NPTX2: variants seen among roughly 807,000 people sequenced by gnomAD.
NPTX2 encodes the protein neuronal pentraxin 2.
NPTX2 carries 23 observed loss-of-function variants against 38.1 expected under a neutral mutation model. That is an observed-to-expected ratio of 0.60 (90% confidence interval 0.43 to 0.85). The LOEUF is 0.85. Among genes scored for constraint, NPTX2 ranks in the 40% least tolerant of loss-of-function variants. The probability of loss-of-function intolerance (pLI) is 0.00; values close to 1 mark genes in which losing one functional copy is unlikely to be tolerated. For missense variants in NPTX2, 553 were observed against 615.3 expected, an observed-to-expected ratio of 0.90 and a Z score of 1.07; for synonymous variants, 291 against 287.3, an observed-to-expected ratio of 1.01 and a Z score of -0.13.
Position 98,624,933 on chromosome 7 carries a change from T to G in NPTX2, c.655T>G (p.Phe219Val). The change falls in exon 3 of 5, where the codon TTT becomes GTT. Residue 219 changes from phenylalanine (F) to valine (V), a missense_variant. Physicochemically the swap from Phe to Val is conservative, Grantham distance 50. Transcript: ENST00000265634. ...CTCCCAACCCCCAGGCAATAGCGCCTTTAAGTCACCAGATGCGTTCAAGGT... is the reference window on the plus strand; with the variant it reads ...CTCCCAACCCCCAGGCAATAGCGCCGTTAAGTCACCAGATGCGTTCAAGGT... ...VTELERGNSAFKSPDAFKVSL... is the reference protein window; with the variant it reads ...VTELERGNSAVKSPDAFKVSL... The G allele has an allele frequency of 1.2e-6, 2 of 1,611,868 alleles. No individual in the cohort carries two copies. Among genetic ancestry groups the G allele is most frequent in the Non-Finnish European group, 1.7e-6 (2 of 1,178,552 alleles).
chr7:98,626,427 T>C (rs1231636803), intron 3 of NPTX2, among the ~76,000 whole-genome samples: 1 of 152,076 alleles, frequency 6.6e-6, no homozygotes, highest in Non-Finnish European at 1.5e-5. Flanking sequence ...ATCAGCCTGC[T>C]GGGCTCCTCC....
At chr7:98,627,413 T>C (rs577791091) in intron 4 of NPTX2, 69 bp downstream of exon 4, 4 of 1,370,238 alleles carry the variant, frequency 2.9e-6, no homozygotes, top group Admixed American at 3.7e-5. Context: ...CCGTGCGCCC[T>C]TTCAGGGATG....
chr7:98,620,556 A>G (rs1265304719), intron 2 of NPTX2, among the ~76,000 whole-genome samples: 1 of 152,144 alleles, frequency 6.6e-6, no homozygotes, highest in Non-Finnish European at 1.5e-5. Context: ...TTCTCAGAAA[A>G]AGGTGAGTAT....
chr7:98,625,097 A>G lies in NPTX2; in HGVS notation c.819A>G (p.Pro273=), dbSNP rs769636160. 3.1e-6 allele frequency: 5 copies of G among 1,612,336 alleles called. No individual in the cohort carries two copies. The South Asian group carries it at 4.4e-5, about 14-fold the overall frequency. ...GIGTPFSYAV[P]GQANEIVLIE... is the part of the protein sequence containing the mutation. Reference sequence around the variant, plus strand: ...GCACCCCCTTCTCCTATGCGGTGCCAGGGCAGGCCAACGAGATCGTGCTGA... The same window carrying G: ...GCACCCCCTTCTCCTATGCGGTGCCGGGGCAGGCCAACGAGATCGTGCTGA... Residue 273 remains proline, a synonymous_variant, in exon 3 of 5, where the codon CCA becomes CCG. Transcript: ENST00000265634.
intron 2 of NPTX2, among the ~76,000 whole-genome samples, chr7:98,620,951 A>T (rs772868906): frequency 1.3e-5 from 2 of 152,188 alleles, no homozygotes; most frequent in Admixed American, 6.5e-5. Context: ...AGCTTCAGTC[A>T]TGCCAGGCGG....
At chr7:98,627,775 C>T (rs930553561) in intron 4 of NPTX2, among the ~76,000 whole-genome samples, 3 of 152,134 alleles carry the variant, frequency 2.0e-5, no homozygotes, top group Admixed American at 6.5e-5. Flanking sequence ...ATGGTACCAA[C>T]TCAGGATTGT....
chr7:98,628,204 C>G (rs1791384909), intron 4 of NPTX2, among the ~76,000 whole-genome samples, 198 bp from the exon 5 acceptor site: 1 of 152,114 alleles, frequency 6.6e-6, no homozygotes, highest in South Asian at 2.1e-4. Context: ...CTCAGTTTCC[C>G]CTGTATAAAA....
At chr7:98,618,398 G>A (rs1401661926) in intron 1 of NPTX2, among the ~76,000 whole-genome samples, 1 of 152,174 alleles carries the variant, frequency 6.6e-6, no homozygotes, top group Non-Finnish European at 1.5e-5. Context: ...TCTGGGGGCG[G>A]AGGTCGCAGG....
chr7:98,625,259 G>A, intron 3 of NPTX2, 93 bp downstream of exon 3: 1 of 1,471,238 alleles, frequency 6.8e-7, no homozygotes, highest in Non-Finnish European at 9.1e-7. Flanking sequence ...CCCTCCTCGG[G>A]CCACACAGCA....
At chr7:98,626,575 G>C (rs113320007) in intron 3 of NPTX2, among the ~76,000 whole-genome samples, 1 of 152,244 alleles carries the variant, frequency 6.6e-6, no homozygotes, top group South Asian at 2.1e-4. Context: ...GGGAGGCTTC[G>C]GGTTGCTAGG....
rs705315 is a variant in NPTX2, at chr7:98,629,424, G to A, written c.*795G>A. 0.12 allele frequency: 18,056 copies of A among 152,166 alleles called. 1,505 individuals are homozygous for A. Among genetic ancestry groups the A allele is most frequent in the African/African-American group, 0.23 (9,617 of 41,252 alleles). 9.4% of individuals were successfully genotyped at this position (152,166 alleles called of 1,614,324 possible). Reference sequence around the variant, plus strand: ...TTGCAGCTTTTTACAACCATCCGGTGTGGTTTGGAGGATTTGTTTTTTTTT... The same window carrying A: ...TTGCAGCTTTTTACAACCATCCGGTATGGTTTGGAGGATTTGTTTTTTTTT... On this transcript the variant is annotated 3_prime_UTR_variant, in exon 5 of 5. Coordinates refer to ENST00000265634, the MANE Select transcript of NPTX2 (RefSeq NM_002523.3).
At chr7:98,625,850 G>A (rs755168135) in intron 3 of NPTX2, among the ~76,000 whole-genome samples, 1 of 151,994 alleles carries the variant, frequency 6.6e-6, no homozygotes, top group Non-Finnish European at 1.5e-5. Context: ...GCATTCAGGA[G>A]TGGTCTTCTC....
At chr7:98,627,136 G>A in intron 3 of NPTX2, 29 bp from the exon 4 acceptor site, 1 of 1,580,180 alleles carries the variant, frequency 6.3e-7, no homozygotes, top group Non-Finnish European at 8.7e-7. Flanking sequence ...GGGCCCAGCA[G>A]GTCCTTACCT....
chr7:98,619,745 G>C lies in NPTX2; in HGVS notation c.529G>C (p.Val177Leu). ...GCTGGAGAGGCAGCTTCTGCGCAAGGTGGCAGAGCTGGAGGACGAGAAGTC... is the reference window on the plus strand; with the variant it reads ...GCTGGAGAGGCAGCTTCTGCGCAAGCTGGCAGAGCTGGAGGACGAGAAGTC... ...GELERQLLRK[V>L]AELEDEKSLL... Residue 177 changes from valine to leucine, a missense_variant, in exon 2 of 5, where the codon GTG becomes CTG. By Grantham distance (32) the Val-to-Leu change is conservative (BLOSUM62 1). Coordinates refer to ENST00000265634, the MANE Select transcript of NPTX2 (RefSeq NM_002523.3). 2 of 1,613,370 alleles carry C rather than the reference G, an allele frequency of 1.2e-6. No homozygotes were observed. The highest frequency in any genetic ancestry group is 1.7e-6 in the Non-Finnish European group (2 of 1,180,032).
At position 98,617,488 on chromosome 7, in the gene NPTX2, G is replaced by A. The variant is rs949777245; in HGVS notation, c.27G>A (p.Val9=). 1 of 1,235,774 alleles carries A rather than the reference G, an allele frequency of 8.1e-7. No homozygotes were observed. Among genetic ancestry groups the A allele is most frequent in the East Asian group, 3.3e-5 (1 of 29,980 alleles). 76.6% of individuals were successfully genotyped at this position (1,235,774 alleles called of 1,614,324 possible). The part of the protein sequence containing the change: MLALLAAS[V]ALAVAAGAQD... Reference sequence around the variant, plus strand: ...TGCTGGCGCTGCTGGCCGCCAGCGTGGCGCTCGCCGTGGCCGCTGGGGCCC... The same window carrying A: ...TGCTGGCGCTGCTGGCCGCCAGCGTAGCGCTCGCCGTGGCCGCTGGGGCCC... Residue 9 remains valine (V), a synonymous_variant, in exon 1 of 5, where the codon GTG becomes GTA. Coordinates refer to ENST00000265634, the MANE Select transcript of NPTX2 (RefSeq NM_002523.3).
At chr7:98,628,145 G>A (rs1791384272) in intron 4 of NPTX2, among the ~76,000 whole-genome samples, 2 of 152,126 alleles carry the variant, frequency 1.3e-5, no homozygotes, top group Non-Finnish European at 2.9e-5. Context: ...CATGAGACCT[G>A]GCTCTGATCC....
intron 1 of NPTX2, 43 bp downstream of exon 1, chr7:98,617,930 C>G: frequency 2.6e-6 from 4 of 1,523,972 alleles, no homozygotes; most frequent in Non-Finnish European, 2.6e-6. Context: ...AATGGGGACG[C>G]TCCCGAGTCG....
rs765474661 is a variant in NPTX2 at position 98,625,060 on chromosome 7, C to T, written c.782C>T (p.Ser261Leu). 7 of 1,613,402 alleles carry T rather than the reference C, an allele frequency of 4.3e-6. No homozygotes were observed. In the African/African-American group the frequency reaches 5.3e-5, roughly 12 times the overall value. Reference protein sequence around the residue: ...TICLWLRSSASPGIGTPFSYA... With the variant: ...TICLWLRSSALPGIGTPFSYA... ...TGCCTGTGGCTGCGGTCCAGCGCCT[C>T]ACCAGGCATTGGCACCCCCTTCTCC... is the stretch of plus-strand genomic sequence containing the variant. Residue 261 changes from serine (S) to leucine (L), a missense_variant, in exon 3 of 5, where the codon TCA becomes TTA. By Grantham distance (145) the Ser-to-Leu change is moderately radical. Transcript: ENST00000265634.
At chr7:98,622,812 A>G (rs1791290663) in intron 2 of NPTX2, among the ~76,000 whole-genome samples, 1 of 152,220 alleles carries the variant, frequency 6.6e-6, no homozygotes, top group Non-Finnish European at 1.5e-5. Context: ...TTAGGAGGTC[A>G]GGAGCAATCG....
Sources: gnomAD v4.1 joint callset for allele counts (sites outside exome capture counted in the v4.1 genomes callset) on GRCh38, gnomAD v4.1.1 for gene constraint, MANE v1.5 for transcripts, NCBI Gene and HGNC (gene_info 2026-07-23, HGNC 2026-07-21) for gene names.